The following NALF1 variants were observed in gnomAD, a reference collection of about 807,000 sequenced individuals.
NALF1 encodes NALCN channel auxiliary factor 1.
A neutral mutation model predicts 48.4 loss-of-function variants in NALF1; 3 were observed. The ratio of observed to expected loss-of-function variants is 0.06; its 90% confidence interval spans 0.03 to 0.16. NALF1 has a LOEUF of 0.16. Ranked by LOEUF, NALF1 falls within the 10% of genes least tolerant of loss-of-function variation. The pLI, the probability that NALF1 is intolerant of heterozygous loss-of-function variation, is 1.00. For synonymous variants in NALF1, 262 were observed against 245.7 expected (o/e 1.07, Z -0.62); for missense variants, 526 against 571.5 (o/e 0.92, Z 0.81).
At chr13:107,504,349 T>C (rs1407516097) in intron 1 of NALF1, among the ~76,000 whole-genome samples, 4 of 151,952 alleles carry the variant, frequency 2.6e-5, no homozygotes, top group Non-Finnish European at 4.4e-5. Flanking sequence ...AACAGCAGAT[T>C]TGTGGGATGT....
chr13:107,653,234 T>C (rs1360296785), intron 1 of NALF1, among the ~76,000 whole-genome samples: 12 of 152,118 alleles, frequency 7.9e-5, no homozygotes, highest in Non-Finnish European at 1.5e-5. Context: ...TATTAAGTTG[T>C]GTATTTTCAT....
intron 1 of NALF1, among the ~76,000 whole-genome samples, chr13:107,422,816 T>C (rs1884214204): frequency 6.6e-6 from 1 of 152,038 alleles, no homozygotes; most frequent in Admixed American, 6.6e-5. Flanking sequence ...AAAGGAGAAG[T>C]CAGGGTGTTG....
At chr13:107,838,208 A>G (rs909877832) in intron 1 of NALF1, among the ~76,000 whole-genome samples, 16 of 152,050 alleles carry the variant, frequency 1.1e-4, no homozygotes, top group Non-Finnish European at 1.9e-4. Flanking sequence ...ACAAACAAAC[A>G]AAAAGCCAGC....
At chr13:107,204,658 G>A (rs1010108018) in intron 2 of NALF1, among the ~76,000 whole-genome samples, 3 of 152,190 alleles carry the variant, frequency 2.0e-5, no homozygotes, top group Admixed American at 1.3e-4. Flanking sequence ...AATGGAAGAA[G>A]ATGTCACGAA....
At chr13:107,273,125 A>G (rs1016934970) in intron 1 of NALF1, among the ~76,000 whole-genome samples, 18 of 152,230 alleles carry the variant, frequency 1.2e-4, no homozygotes, top group South Asian at 2.1e-4. Flanking sequence ...GAAGCAGGTC[A>G]TAATATTCTT....
chr13:107,182,619 T>G (rs942813685), intron 2 of NALF1, among the ~76,000 whole-genome samples: 1 of 152,196 alleles, frequency 6.6e-6, no homozygotes, highest in African/African-American at 2.4e-5. Context: ...GTGAAATTCA[T>G]GCTGTTATTA....
chr13:107,480,589 C>A (rs984645563), intron 1 of NALF1, among the ~76,000 whole-genome samples: 3 of 152,112 alleles, frequency 2.0e-5, no homozygotes, highest in African/African-American at 7.2e-5. Context: ...GAGTTAAAAA[C>A]AAAATCCCCC....
In NALF1 at chr13:107,210,897, C is replaced by T. The variant is rs115714304; in HGVS notation, c.916-142G>A. ...ATTGTGAGAAAGCGTATTTACACAA[C>T]GACAGCTGCAAGTGATAAAAACACA... On this transcript the variant is annotated intron_variant, in intron 1 of 2. Transcript: ENST00000375915. 1.2e-3 allele frequency: 695 copies of T among 598,712 alleles called. 5 individuals carry two copies. Among genetic ancestry groups the T allele is most frequent in the African/African-American group, 0.011 (603 of 54,074 alleles). 37.1% of individuals were successfully genotyped at this position (598,712 alleles called of 1,614,324 possible).
chr13:107,443,167 A>ATCTAT (rs1566344520), intron 1 of NALF1, among the ~76,000 whole-genome samples: 60 of 138,274 alleles, frequency 4.3e-4, no homozygotes, highest in Non-Finnish European at 7.8e-4. Context: ...TATTTATCTA[A>ATCTAT]CAATCTATCT....
intron 1 of NALF1, among the ~76,000 whole-genome samples, chr13:107,600,627 T>C (rs912938619): frequency 3.9e-5 from 6 of 152,180 alleles, no homozygotes; most frequent in African/African-American, 1.2e-4. Flanking sequence ...TCGGTGCCTG[T>C]TGGATGCTTA....
chr13:107,509,143 G>C (rs1875799329), intron 1 of NALF1, among the ~76,000 whole-genome samples: 1 of 152,042 alleles, frequency 6.6e-6, no homozygotes, highest in South Asian at 2.1e-4. Flanking sequence ...TTATACAAAA[G>C]TGATTTGAGA....
chr13:107,413,224 A>G (rs577496600), intron 1 of NALF1, among the ~76,000 whole-genome samples: 7 of 152,166 alleles, frequency 4.6e-5, no homozygotes, highest in Non-Finnish European at 7.4e-5. Flanking sequence ...ATAGATGTTT[A>G]TGTACTAATA....
intron 2 of NALF1, among the ~76,000 whole-genome samples, chr13:107,203,970 T>A (rs1879577690): frequency 6.6e-6 from 1 of 152,040 alleles, no homozygotes; most frequent in Non-Finnish European, 1.5e-5. Flanking sequence ...CTCCCTGCTC[T>A]CCAACAAGTG....
intron 1 of NALF1, among the ~76,000 whole-genome samples, chr13:107,719,629 T>C (rs755791860): frequency 2.0e-5 from 3 of 152,118 alleles, no homozygotes; most frequent in Non-Finnish European, 4.4e-5. Flanking sequence ...GGCTCTTCTC[T>C]CACTTCCAAC....
At chr13:107,206,327 A>G (rs1003199024) in intron 2 of NALF1, among the ~76,000 whole-genome samples, 7 of 152,178 alleles carry the variant, frequency 4.6e-5, no homozygotes, top group African/African-American at 1.7e-4. Context: ...TGGTTAGAAC[A>G]TTTGGTCATG....
At chr13:107,396,088 T>G (rs903481878) in intron 1 of NALF1, among the ~76,000 whole-genome samples, 1 of 152,190 alleles carries the variant, frequency 6.6e-6, no homozygotes, top group African/African-American at 2.4e-5. Flanking sequence ...AAGGTCCATG[T>G]CTGGTACGAG....
intron 1 of NALF1, among the ~76,000 whole-genome samples, chr13:107,368,635 C>A (rs370306782): frequency 6.6e-6 from 1 of 152,130 alleles, no homozygotes; most frequent in Non-Finnish European, 1.5e-5. Context: ...TTCACAAGGC[C>A]CTCCTCTCTG....
At chr13:107,270,060 G>T (rs541609326) in intron 1 of NALF1, among the ~76,000 whole-genome samples, 1 of 151,096 alleles carries the variant, frequency 6.6e-6, no homozygotes, top group Admixed American at 6.6e-5. Context: ...GTGAGCCACC[G>T]CGCCTGGCCA....
intron 1 of NALF1, among the ~76,000 whole-genome samples, chr13:107,407,635 A>T (rs1222360846): frequency 6.6e-6 from 1 of 152,074 alleles, no homozygotes; most frequent in Non-Finnish European, 1.5e-5. Flanking sequence ...TGTGGAGAAA[A>T]GGGAACCCTC....
Sources: allele counts gnomAD v4.1 joint callset (sites outside exome capture counted in the v4.1 genomes callset), GRCh38; gene constraint gnomAD v4.1.1; transcripts MANE v1.5; gene names NCBI Gene and HGNC (gene_info 2026-07-23, HGNC 2026-07-21).